PLEKHM2: variants seen among roughly 807,000 people sequenced by gnomAD.
PLEKHM2 encodes pleckstrin homology domain-containing family M member 2.
A neutral mutation model predicts 116.3 loss-of-function variants in PLEKHM2; 77 were observed. The observed-to-expected ratio is 0.66, with a 90% confidence interval of 0.55 to 0.80. PLEKHM2 has a LOEUF of 0.80. PLEKHM2 is among the 30% of genes least tolerant of loss of function. The probability of loss-of-function intolerance (pLI) is 0.00; values close to 1 mark genes in which losing one functional copy is unlikely to be tolerated. For missense variants in PLEKHM2, 1,183 were observed against 1,354.9 expected, an observed-to-expected ratio of 0.87 and a Z score of 1.99; for synonymous variants, 562 against 571.0, an observed-to-expected ratio of 0.98 and a Z score of 0.22.
At position 15,732,343 on chromosome 1, in the gene PLEKHM2, C is replaced by A; in HGVS notation, c.2626-7C>A. The A allele has an allele frequency of 6.5e-7, 1 of 1,549,520 alleles. No homozygotes were observed. The highest frequency in any genetic ancestry group is 8.7e-7 in the Non-Finnish European group (1 of 1,146,138). ...CCCAGCCTGCCTCTCCCCTGCCCCG[C>A]TGCCAGGTCATCCCCCAGGGCGTAG... On this transcript the variant is annotated splice_polypyrimidine_tract_variant and splice_region_variant and intron_variant, in intron 17 of 19. Coordinates refer to ENST00000375799, the MANE Select transcript of PLEKHM2 (RefSeq NM_015164.4).
rs770755275 is a variant in PLEKHM2 at position 15,727,318 on chromosome 1, C to T, written c.1246C>T (p.Gln416Ter). The T allele has an allele frequency of 6.2e-7, 1 of 1,601,082 alleles. No individual in the cohort carries two copies. Among genetic ancestry groups the T allele is most frequent in the East Asian group, 2.3e-5 (1 of 44,254 alleles). Reference sequence around the variant, plus strand: ...GCAGCCCCTGAGCAAGGTTATCGACCAGCTCAACGGGCAGCTGGACCCCAG... The same window carrying T: ...GCAGCCCCTGAGCAAGGTTATCGACTAGCTCAACGGGCAGCTGGACCCCAG... ...LGQPLSKVIDQLNGQLDPSTW... is the reference protein window; with the variant it reads ...LGQPLSKVID Residue 416 changes from glutamine (Q) to a stop codon, truncating the protein, a stop_gained, in exon 9 of 20, where the codon CAG (glutamine) becomes TAG (stop). Coordinates refer to ENST00000375799, the MANE Select transcript of PLEKHM2 (RefSeq NM_015164.4). LOFTEE classifies it high-confidence loss of function. The surrounding 1 kb of genome is among the most constrained non-coding windows in gnomAD (Gnocchi z 7.5).
chr1:15,719,769 C>T lies in PLEKHM2; in HGVS notation c.501C>T (p.Pro167=), dbSNP rs759336254. 4.3e-5 allele frequency: 70 copies of T among 1,613,170 alleles called. No homozygotes were observed. Among genetic ancestry groups the T allele is most frequent in the Non-Finnish European group, 5.2e-5 (61 of 1,179,552 alleles). ...APYLDLAPYM[P]DYYKPQYLLD... is the part of the protein sequence containing the mutation. The stretch of plus-strand genomic sequence containing the variant: ...ACCTAGACCTGGCCCCCTACATGCC[C>T]GACTACTACAAACCTCAGTACCTGC... The change falls in exon 6 of 20, where the codon CCC becomes CCT. Residue 167 remains proline (P), a synonymous_variant. Transcript: ENST00000375799. The surrounding 1 kb of genome is among the most constrained non-coding windows in gnomAD (Gnocchi z 4.1).
chr1:15,684,111 T>C (rs949670000), upstream of PLEKHM2, among the ~76,000 whole-genome samples: 1 of 146,774 alleles, frequency 6.8e-6, no homozygotes, highest in African/African-American at 2.6e-5. Context: ...GGGGTCGAGG[T>C]CTCTGGCGTC....
At chr1:15,730,051 G>A (rs894913780) in intron 14 of PLEKHM2, 122 bp downstream of exon 14, 7 of 320,788 alleles carry the variant, frequency 2.2e-5, no homozygotes, top group Admixed American at 5.3e-5. Context: ...CTACCTGGGC[G>A]GGGCGGGGCG....
At chr1:15,710,515 C>T (rs1308573163) in intron 1 of PLEKHM2, among the ~76,000 whole-genome samples, 1 of 151,640 alleles carries the variant, frequency 6.6e-6, no homozygotes, top group Non-Finnish European at 1.5e-5. Context: ...TTAGTACAGA[C>T]AGAGTTTTAC....
At chr1:15,733,025 G>A (rs1171368238) in intron 19 of PLEKHM2, among the ~76,000 whole-genome samples, 1 of 152,250 alleles carries the variant, frequency 6.6e-6, no homozygotes, top group Admixed American at 6.5e-5. Flanking sequence ...TGGGAGGGAA[G>A]GGGTGGGCCC....
In PLEKHM2 at chr1:15,727,356, C is replaced by T. The variant is rs2148372087; in HGVS notation, c.1284C>T (p.Ser428=). The change falls in exon 9 of 20, where the codon TCC becomes TCT. Residue 428 remains serine (S), a synonymous_variant. Coordinates refer to ENST00000375799, the MANE Select transcript of PLEKHM2 (RefSeq NM_015164.4). This position sits in a 1 kb window ranked among gnomAD's most constrained non-coding sequence, Gnocchi z 7.5. The stretch of plus-strand genomic sequence containing the variant: ...AGCTGGACCCCAGCACCTGGTGCTC[C>T]CGTGCTGAGCCCCCAGACCAGTCCT... The part of the protein sequence containing the change: ...NGQLDPSTWC[S]RAEPPDQSFR... The T allele has an allele frequency of 5.0e-6, 8 of 1,598,238 alleles. No individual in the cohort carries two copies. Among genetic ancestry groups the T allele is most frequent in the Non-Finnish European group, 6.8e-6 (8 of 1,173,260 alleles).
rs2068087976 is a variant in PLEKHM2 at position 15,727,923 on chromosome 1, G to A, written c.1760+91G>A. Reference sequence around the variant, plus strand: ...GACCTCCAGATAAATTAAGCACTAGGAAGACCTAGCCTGAGTGAGAAGGGG... The same window carrying A: ...GACCTCCAGATAAATTAAGCACTAGAAAGACCTAGCCTGAGTGAGAAGGGG... On this transcript the variant is annotated intron_variant, in intron 9 of 19. Transcript: ENST00000375799. The surrounding 1 kb of genome is among the most constrained non-coding windows in gnomAD (Gnocchi z 7.5). 1.6e-6 allele frequency: 2 copies of A among 1,256,874 alleles called. No individual in the cohort carries two copies. The highest frequency in any genetic ancestry group is 2.1e-5 in the Admixed American group (1 of 47,104). The allele number at this position is 1,256,874 out of a possible 1,614,324, so 77.9% of individuals were successfully genotyped here.
At chr1:15,684,299 T>TGCC (rs534581956), upstream of PLEKHM2, 147 of 156,656 alleles carry the variant, frequency 9.4e-4, no homozygotes, top group South Asian at 4.3e-3. Context: ...CATCAGTTCC[T>TGCC]GCCGCCGCCG....
At chr1:15,711,017 G>A (rs1019784454) in intron 1 of PLEKHM2, among the ~76,000 whole-genome samples, 7 of 151,384 alleles carry the variant, frequency 4.6e-5, no homozygotes, top group Non-Finnish European at 7.4e-5. Flanking sequence ...CTTACCTCAT[G>A]CCATATATAA....
chr1:15,702,248 G>A (rs1641130312), intron 1 of PLEKHM2, among the ~76,000 whole-genome samples: 3 of 152,158 alleles, frequency 2.0e-5, no homozygotes, highest in African/African-American at 7.2e-5. Context: ...CTACAGCATC[G>A]CCATGTGAGG....
chr1:15,696,950 C>G (rs971217733), intron 1 of PLEKHM2, among the ~76,000 whole-genome samples: 1 of 152,104 alleles, frequency 6.6e-6, no homozygotes, highest in South Asian at 2.1e-4. Context: ...AGCAAGGGTC[C>G]CCCCAGGATC....
intron 5 of PLEKHM2, 71 bp downstream of exon 5, chr1:15,718,696 G>T: frequency 1.3e-6 from 1 of 772,274 alleles, no homozygotes. Context: ...GGTGGGCGGT[G>T]GCTTCATTTC....
Position 15,684,611 on chromosome 1 carries a change from T to C in PLEKHM2, c.53T>C (p.Val18Ala). ...DRILENISLSVKKLQSYFAAC... is the reference protein window; with the variant it reads ...DRILENISLSAKKLQSYFAAC... ...ATCCTGGAGAACATCTCGCTGTCGG[T>C]GAAGAAGGTGAGCGCGGCCTCCCTC... The change falls in exon 1 of 20, where the codon GTG becomes GCG. Residue 18 changes from valine to alanine, a missense_variant. This residue lies in a region of PLEKHM2 where 217 missense variants were observed against 277.6 expected (regional missense o/e 0.78). Coordinates refer to ENST00000375799, the MANE Select transcript of PLEKHM2 (RefSeq NM_015164.4). 7.7e-7 allele frequency: 1 copy of C among 1,301,000 alleles called. No homozygotes were observed. The highest frequency in any genetic ancestry group is 9.9e-7 in the Non-Finnish European group (1 of 1,012,248). 80.6% of individuals were successfully genotyped at this position (1,301,000 alleles called of 1,614,324 possible). A position where few individuals can be genotyped will look rare whatever the true frequency, so the allele number is the denominator to read the frequency against.
chr1:15,687,411 T>C (rs1215906244), intron 1 of PLEKHM2, among the ~76,000 whole-genome samples: 1 of 152,078 alleles, frequency 6.6e-6, no homozygotes, highest in Non-Finnish European at 1.5e-5. Context: ...CCTGACCTCA[T>C]GATCCGCTCA....
chr1:15,729,270 G>T lies in PLEKHM2; in HGVS notation c.2075+80G>T, dbSNP rs1431777819. On this transcript the variant is annotated intron_variant, in intron 13 of 19. Transcript: ENST00000375799. This position sits in a 1 kb window ranked among gnomAD's most constrained non-coding sequence, Gnocchi z 4.7. ...GGTGTGGGTGGCCTGGGGGTCAGGGGTGGAGGTGGAAAGTGGGAGATCCAG... is the reference window on the plus strand; with the variant it reads ...GGTGTGGGTGGCCTGGGGGTCAGGGTTGGAGGTGGAAAGTGGGAGATCCAG... 1.7e-4 allele frequency: 203 copies of T among 1,202,900 alleles called. 1 individual carries two copies. Among genetic ancestry groups the T allele is most frequent in the East Asian group, 2.5e-4 (10 of 39,526 alleles). The allele number at this position is 1,202,900 out of a possible 1,614,324, so 74.5% of individuals were successfully genotyped here.
At chr1:15,709,648 C>T (rs1021502899) in intron 1 of PLEKHM2, among the ~76,000 whole-genome samples, 1 of 152,288 alleles carries the variant, frequency 6.6e-6, no homozygotes, top group Admixed American at 6.5e-5. Flanking sequence ...TTCCTGCCTA[C>T]GGAGCCTTCT....
chr1:15,727,709 C>T lies in PLEKHM2; in HGVS notation c.1637C>T (p.Thr546Ile), dbSNP rs1265502085. The T allele has an allele frequency of 6.3e-7, 1 of 1,595,740 alleles. No homozygotes were observed. The highest frequency in any genetic ancestry group is 8.5e-7 in the Non-Finnish European group (1 of 1,172,108). Residue 546 changes from threonine to isoleucine, a missense_variant, in exon 9 of 20, where the codon ACC becomes ATC. By Grantham distance (89) the Thr-to-Ile change is moderately conservative. Coordinates refer to ENST00000375799, the MANE Select transcript of PLEKHM2 (RefSeq NM_015164.4). The surrounding 1 kb of genome is among the most constrained non-coding windows in gnomAD (Gnocchi z 7.5). ...CCTGTGTCTGAGCCAGAGCCTGGGA[C>T]CCAGGAGGTTCTCTGCCAGCTCAAG... The part of the protein sequence containing the change: ...EGPVSEPEPG[T>I]QEVLCQLKRD...
At chr1:15,685,557 A>AAAAAAAAAAAG (rs1553157089) in intron 1 of PLEKHM2, among the ~76,000 whole-genome samples, 1 of 147,952 alleles carries the variant, frequency 6.8e-6, no homozygotes, top group African/African-American at 2.6e-5. Flanking sequence ...AAAAAAAAAA[A>AAAAAAAAAAAG]AAAGAAAGAA....
Sources: allele counts gnomAD v4.1 joint callset (sites outside exome capture counted in the v4.1 genomes callset), GRCh38; gene constraint gnomAD v4.1.1; regional missense constraint gnomAD v4.1.1; non-coding constraint Gnocchi (gnomAD v3.1); transcripts MANE v1.5; gene names NCBI Gene and HGNC (gene_info 2026-07-23, HGNC 2026-07-21).